Variants in CSMD3 observed in about 807,000 individuals in gnomAD.
The protein encoded by CSMD3 is CUB and Sushi multiple domains 3.
A neutral mutation model predicts 435.2 loss-of-function variants in CSMD3; 177 were observed. The observed-to-expected ratio is 0.41, with a 90% CI of 0.36 to 0.46. CSMD3 has a LOEUF of 0.46. Ranked by LOEUF, CSMD3 falls within the 20% of genes least tolerant of loss-of-function variation. The probability of loss-of-function intolerance (pLI) is 0.34; values close to 1 mark genes in which losing one functional copy is unlikely to be tolerated. For synonymous variants in CSMD3, 1,656 were observed against 1,520.5 expected (o/e 1.09, Z -2.07); for missense variants, 4,265 against 4,504.6 (o/e 0.95, Z 1.52).
chr8:112,856,358 A>C (rs11998280), intron 11 of CSMD3, among the ~76,000 whole-genome samples: 6,144 of 151,998 alleles, frequency 0.04, 416 homozygotes, highest in African/African-American at 0.14. Flanking sequence ...TTTTAGAATA[A>C]GACAGTCACC....
At chr8:112,600,901 T>A (rs913016934) in intron 22 of CSMD3, among the ~76,000 whole-genome samples, 24 of 151,946 alleles carry the variant, frequency 1.6e-4, no homozygotes, top group Non-Finnish European at 3.1e-4. Context: ...ATGGTCTCGA[T>A]CTCGTGATCC....
At chr8:112,482,518 A>G (rs1245577747) in intron 31 of CSMD3, among the ~76,000 whole-genome samples, 1 of 152,164 alleles carries the variant, frequency 6.6e-6, no homozygotes, top group Non-Finnish European at 1.5e-5. Context: ...TTCAGTACCC[A>G]TTAGTAGTCG....
chr8:112,952,256 C>T (rs2083844057), intron 8 of CSMD3, among the ~76,000 whole-genome samples: 1 of 151,384 alleles, frequency 6.6e-6, no homozygotes, highest in Non-Finnish European at 1.5e-5. Flanking sequence ...TACTTAAAAT[C>T]TAAAGGTGCC....
intron 5 of CSMD3, among the ~76,000 whole-genome samples, chr8:113,079,196 G>A (rs191250872): frequency 6.1e-4 from 93 of 152,252 alleles, no homozygotes; most frequent in African/African-American, 2.1e-3. Flanking sequence ...GATTGAGATA[G>A]TATAATCAAT....
At chr8:112,919,581 A>G (rs547959254) in intron 10 of CSMD3, among the ~76,000 whole-genome samples, 66 of 151,900 alleles carry the variant, frequency 4.3e-4, no homozygotes, top group African/African-American at 1.5e-3. Flanking sequence ...ATCTATTTTC[A>G]CATCCATTTT....
intron 32 of CSMD3, among the ~76,000 whole-genome samples, chr8:112,413,035 C>A (rs1340080095): frequency 6.6e-6 from 1 of 152,116 alleles, no homozygotes; most frequent in Non-Finnish European, 1.5e-5. Flanking sequence ...TCTCTAATGG[C>A]AACATTCGTG....
chr8:112,725,625 A>G (rs2076947926), intron 13 of CSMD3, among the ~76,000 whole-genome samples: 2 of 151,860 alleles, frequency 1.3e-5, no homozygotes, highest in African/African-American at 2.4e-5. Context: ...TATATATGAA[A>G]GGGAGAATTG....
intron 13 of CSMD3, among the ~76,000 whole-genome samples, chr8:112,796,592 T>C (rs1329359064): frequency 6.6e-6 from 1 of 152,056 alleles, no homozygotes; most frequent in Non-Finnish European, 1.5e-5. Context: ...TCAATGTTAA[T>C]GGATGTTAAT....
intron 1 of CSMD3, among the ~76,000 whole-genome samples, chr8:113,410,921 G>GAAAGAAAGAAAGAAAGAAAGAAAC (rs2094556046): frequency 1.4e-5 from 2 of 140,118 alleles, no homozygotes; most frequent in South Asian, 4.6e-4. Flanking sequence ...AAGAAAGAAA[G>GAAAGAAAGAAAGAAAGAAAGAAAC]AAAGAAAGAA....
intron 10 of CSMD3, among the ~76,000 whole-genome samples, chr8:112,874,426 T>G (rs4876498): frequency 0.75 from 113,942 of 152,072 alleles, 43,495 homozygotes; most frequent in East Asian, 0.93. Flanking sequence ...TTAGGTCCGC[T>G]TGGTTCAGAG....
intron 22 of CSMD3, among the ~76,000 whole-genome samples, chr8:112,625,164 G>C (rs936434319): frequency 6.6e-6 from 1 of 151,948 alleles, no homozygotes; most frequent in Admixed American, 6.6e-5. Flanking sequence ...GGGATAAGGT[G>C]GCATGCCCAG....
At chr8:112,358,462 G>C (rs1183298123) in intron 38 of CSMD3, among the ~76,000 whole-genome samples, 3 of 152,138 alleles carry the variant, frequency 2.0e-5, no homozygotes, top group Non-Finnish European at 2.9e-5. Context: ...TGGTTTGGCT[G>C]TGTCCCCACC....
At position 112,224,461 on chromosome 8, in the gene CSMD3, T is replaced by G; in HGVS notation, c.*310A>C. The G allele has an allele frequency of 2.6e-6, 1 of 383,996 alleles. No individual in the cohort carries two copies. Among genetic ancestry groups the G allele is most frequent in the East Asian group, 6.2e-5 (1 of 16,230 alleles). The allele number at this position is 383,996 out of a possible 1,614,324, so 23.8% of individuals were successfully genotyped here. A position where few individuals can be genotyped will look rare whatever the true frequency, so the allele number is the denominator to read the frequency against. On this transcript the variant is annotated 3_prime_UTR_variant, in exon 71 of 71. Coordinates refer to ENST00000297405, the MANE Select transcript of CSMD3 (RefSeq NM_198123.2). ...TAATATAGTTTATAAAGCACAGAAA[T>G]ACTGATAGTGGATGCTCCTCCAATA... is the stretch of plus-strand genomic sequence containing the variant.
At chr8:112,802,630 A>G (rs2078985908) in intron 12 of CSMD3, among the ~76,000 whole-genome samples, 2 of 151,992 alleles carry the variant, frequency 1.3e-5, no homozygotes, top group Non-Finnish European at 1.5e-5. Flanking sequence ...GCTTTTACTG[A>G]GCTGGCAAAA....
chr8:113,012,659 G>C lies in CSMD3; in HGVS notation c.1030+6408C>G, dbSNP rs141463204. On this transcript the variant is annotated intron_variant, in intron 6 of 70. Transcript: ENST00000297405. ...ACATGCTTGCTTCCCCTTCTGTCAT[G>C]AGTGTAAGTTTCCTGAGGCCTCCCC... Among the ~76,000 whole-genome samples, 3 of 152,064 alleles carry C rather than the reference G, an allele frequency of 2.0e-5. No individual in the cohort carries two copies. In the East Asian group the frequency reaches 5.8e-4, roughly 29 times the overall value.
At position 112,815,897 on chromosome 8, in the gene CSMD3, C is replaced by A. The variant is rs189129760; in HGVS notation, c.1859+13789G>T. Among the ~76,000 whole-genome samples, 41 of 152,152 alleles carry A rather than the reference C, an allele frequency of 2.7e-4. No homozygotes were observed. In the East Asian group the frequency reaches 7.7e-3, roughly 29 times the overall value. On this transcript the variant is annotated intron_variant, in intron 12 of 70. Transcript: ENST00000297405. ...ACAAAGATTATTTTTGTATTGTGGT[C>A]TAAAGTAATTCTGCGTTCCAAGAGC...
chr8:113,083,822 T>C (rs1210666769), intron 5 of CSMD3, among the ~76,000 whole-genome samples: 1 of 151,896 alleles, frequency 6.6e-6, no homozygotes, highest in Non-Finnish European at 1.5e-5. Flanking sequence ...CATTTAAAAA[T>C]TAGCTGGGTG....
chr8:112,675,819 C>A (rs2075758571), intron 16 of CSMD3, among the ~76,000 whole-genome samples: 1 of 152,036 alleles, frequency 6.6e-6, no homozygotes, highest in Non-Finnish European at 1.5e-5. Flanking sequence ...GAGACAGAAG[C>A]AGTGAGAGCA....
chr8:112,254,804 T>C (rs927014493), intron 62 of CSMD3, among the ~76,000 whole-genome samples: 8 of 152,080 alleles, frequency 5.3e-5, no homozygotes, highest in African/African-American at 1.7e-4. Flanking sequence ...GATGTGTCGG[T>C]TTATTTGAAT....
Sources: allele counts gnomAD v4.1 joint callset (sites outside exome capture counted in the v4.1 genomes callset), GRCh38; gene constraint gnomAD v4.1.1; transcripts MANE v1.5; gene names NCBI Gene and HGNC (gene_info 2026-07-23, HGNC 2026-07-21).